Variants in B3GALT1 observed in about 807,000 individuals in gnomAD.
B3GALT1 encodes the protein beta-1,3-galactosyltransferase 1, also known as UDP-Gal:betaGlcNAc beta 1,3-galactosyltransferase, polypeptide 1.
B3GALT1 carries 10 observed loss-of-function variants against 23.2 expected under a neutral mutation model. That is an observed-to-expected ratio of 0.43 (90% CI 0.27 to 0.73). The LOEUF is 0.73. Among genes scored for constraint, B3GALT1 ranks in the 30% least tolerant of loss-of-function variants. B3GALT1 has a pLI of 0.21. For missense variants in B3GALT1, 299 were observed against 405.4 expected, an observed-to-expected ratio of 0.74 and a Z score of 2.25; for synonymous variants, 156 against 141.5, an observed-to-expected ratio of 1.10 and a Z score of -0.73.
At chr2:167,340,621 T>C (rs559412742) in intron 1 of B3GALT1, among the ~76,000 whole-genome samples, 2 of 152,166 alleles carry the variant, frequency 1.3e-5, no homozygotes, top group Non-Finnish European at 2.9e-5. Flanking sequence ...CCAAAAATGG[T>C]CATGTCACCT....
chr2:167,733,073 GT>G (rs1439674875), intron 3 of B3GALT1, among the ~76,000 whole-genome samples: 6 of 152,300 alleles, frequency 3.9e-5, no homozygotes, highest in Non-Finnish European at 7.3e-5. Context: ...ACCATCGGGG[GT>G]TTATCTGTGA....
At chr2:167,305,735 C>T (rs907648992) in intron 1 of B3GALT1, among the ~76,000 whole-genome samples, 12 of 152,050 alleles carry the variant, frequency 7.9e-5, no homozygotes, top group African/African-American at 2.4e-4. Flanking sequence ...GAACTAATCT[C>T]ATTTGATGAT....
intron 2 of B3GALT1, among the ~76,000 whole-genome samples, chr2:167,535,931 G>C (rs1683411572): frequency 6.6e-6 from 1 of 152,092 alleles, no homozygotes; most frequent in Admixed American, 6.6e-5. Flanking sequence ...TTGTTTGTTT[G>C]TTTGTTTTTT....
At chr2:167,768,311 CA>C (rs1271919416) in intron 3 of B3GALT1, among the ~76,000 whole-genome samples, 1 of 152,202 alleles carries the variant, frequency 6.6e-6, no homozygotes, top group African/African-American at 2.4e-5. Context: ...TGCTTCCCAA[CA>C]ACAAAAATTT....
intron 3 of B3GALT1, among the ~76,000 whole-genome samples, chr2:167,797,938 T>C (rs975206481): frequency 6.6e-5 from 10 of 152,130 alleles, no homozygotes; most frequent in Admixed American, 6.5e-4. Flanking sequence ...TCTCCTGACC[T>C]CATGATCCAC....
intron 1 of B3GALT1, among the ~76,000 whole-genome samples, chr2:167,365,541 C>T (rs1232755881): frequency 2.0e-5 from 3 of 147,880 alleles, no homozygotes; most frequent in East Asian, 4.1e-4. Flanking sequence ...ATAAGAAGAT[C>T]GTATCTTTTC....
chr2:167,860,486 A>G (rs529109973), intron 4 of B3GALT1, among the ~76,000 whole-genome samples: 1 of 152,220 alleles, frequency 6.6e-6, no homozygotes, highest in East Asian at 1.9e-4. Context: ...TAAAGCTACT[A>G]TGCAAATCTC....
At chr2:167,384,380 A>G (rs1422830680) in intron 1 of B3GALT1, among the ~76,000 whole-genome samples, 1 of 152,138 alleles carries the variant, frequency 6.6e-6, no homozygotes, top group Non-Finnish European at 1.5e-5. Context: ...TAACAAAAAC[A>G]TGGTAAGCAT....
rs140441047 is a variant in B3GALT1, at chr2:167,603,780, T to G, written c.-409-43129T>G. Reference sequence around the variant, plus strand: ...AATTGTCCTCATTGGGAGATTCTACTATTGTGAAACGCAAGAGACTGTCAT... The same window carrying G: ...AATTGTCCTCATTGGGAGATTCTACGATTGTGAAACGCAAGAGACTGTCAT... On this transcript the variant is annotated intron_variant, in intron 2 of 4. Coordinates refer to ENST00000392690, the MANE Select transcript of B3GALT1 (RefSeq NM_020981.4). 3.7e-4 allele frequency among the ~76,000 whole-genome samples: 56 copies of G among 152,302 alleles called. No individual in the cohort carries two copies. The East Asian group carries it at 0.01, about 28-fold the overall frequency.
At chr2:167,566,431 T>G (rs1235207) in intron 2 of B3GALT1, among the ~76,000 whole-genome samples, 80,804 of 151,264 alleles carry the variant, frequency 0.53, 25,173 homozygotes, top group East Asian at 0.99. Context: ...CAGCACACCA[T>G]CATGACACAT....
chr2:167,398,655 A>G (rs1179698201), intron 1 of B3GALT1, among the ~76,000 whole-genome samples: 2 of 152,166 alleles, frequency 1.3e-5, no homozygotes, highest in Non-Finnish European at 2.9e-5. Flanking sequence ...ATACCCACCA[A>G]GGATATTTAT....
chr2:167,852,467 GGTGTGTGTGTGTGT>G (rs66820655), intron 4 of B3GALT1, among the ~76,000 whole-genome samples: 16 of 146,478 alleles, frequency 1.1e-4, no homozygotes, highest in South Asian at 2.2e-4. Context: ...TATTCGTGAT[GGTGTGTGTGTGTGT>G]GTGTGTGTGT....
At chr2:167,542,744 G>A (rs1046737829) in intron 2 of B3GALT1, among the ~76,000 whole-genome samples, 1 of 151,226 alleles carries the variant, frequency 6.6e-6, no homozygotes, top group Non-Finnish European at 1.5e-5. Flanking sequence ...AGTTTACATA[G>A]AATGGGCAGA....
intron 2 of B3GALT1, among the ~76,000 whole-genome samples, chr2:167,545,893 C>A (rs924411791): frequency 1.3e-5 from 2 of 152,104 alleles, no homozygotes; most frequent in Admixed American, 1.3e-4. Flanking sequence ...TTTGCATATA[C>A]GTAATGAGTT....
intron 1 of B3GALT1, among the ~76,000 whole-genome samples, chr2:167,342,610 AAAC>A (rs1697167176): frequency 6.6e-6 from 1 of 152,030 alleles, no homozygotes; most frequent in African/African-American, 2.4e-5. Context: ...AAAGAAAAAA[AAAC>A]AAAACCAATT....
At chr2:167,393,868 T>C (rs1330084114) in intron 1 of B3GALT1, among the ~76,000 whole-genome samples, 1 of 152,174 alleles carries the variant, frequency 6.6e-6, no homozygotes. Flanking sequence ...TATCCAAAAG[T>C]GGACATGGAG....
chr2:167,394,536 G>GTT (rs200847558), intron 1 of B3GALT1, among the ~76,000 whole-genome samples: 2 of 151,198 alleles, frequency 1.3e-5, no homozygotes, highest in African/African-American at 4.9e-5. Flanking sequence ...ATAAAGGGTT[G>GTT]TTTTTTTTTA....
intron 3 of B3GALT1, among the ~76,000 whole-genome samples, chr2:167,746,244 C>G (rs995666609): frequency 6.6e-6 from 1 of 152,040 alleles, no homozygotes; most frequent in African/African-American, 2.4e-5. Flanking sequence ...ATTTAAGTGC[C>G]CTTCCAAGTC....
intron 1 of B3GALT1, among the ~76,000 whole-genome samples, chr2:167,298,828 A>T (rs1696398858): frequency 6.6e-6 from 1 of 152,082 alleles, no homozygotes; most frequent in Non-Finnish European, 1.5e-5. Flanking sequence ...TGAGAAAAAA[A>T]TGCTTAAGAA....
Sources: allele counts gnomAD v4.1 joint callset (sites outside exome capture counted in the v4.1 genomes callset), GRCh38; gene constraint gnomAD v4.1.1; transcripts MANE v1.5; gene names NCBI Gene and HGNC (gene_info 2026-07-23, HGNC 2026-07-21).